The following PIP5KL1 variants were observed in gnomAD, a reference collection of about 807,000 sequenced individuals.
The protein encoded by PIP5KL1 is phosphatidylinositol-4-phosphate 5-kinase like 1.
Under a neutral mutation model 47.6 loss-of-function variants are expected in PIP5KL1, and 45 were observed. That is an observed-to-expected ratio of 0.94 (90% CI 0.74 to 1.21). The LOEUF is 1.21. PIP5KL1 is among the 50% of genes most tolerant of loss of function. The pLI, the probability that PIP5KL1 is intolerant of heterozygous loss-of-function variation, is 0.00. For synonymous variants in PIP5KL1, 256 were observed against 234.6 expected (o/e 1.09, Z -0.84); for missense variants, 577 against 547.6 (o/e 1.05, Z -0.54).
chr9:127,921,997 G>T lies in PIP5KL1; in HGVS notation c.1035C>A (p.Gly345=), dbSNP rs1286222307. ...LDGPEQRYFL[G]VVDLATVYGL... is the part of the protein sequence containing the mutation. ...CGTAGACTGTGGCGAGATCCACGAC[G>T]CCCAGGAAATAGCGCTGCTCGGGCC... The change falls in exon 10 of 10, where the codon GGC becomes GGA. Residue 345 remains glycine (G), a synonymous_variant. Coordinates refer to ENST00000388747, the MANE Select transcript of PIP5KL1 (RefSeq NM_001135219.2). 4.4e-6 allele frequency: 7 copies of T among 1,577,304 alleles called. No homozygotes were observed. Among genetic ancestry groups the T allele is most frequent in the Non-Finnish European group, 6.0e-6 (7 of 1,162,710 alleles).
At chr9:127,923,981 T>C (rs535478362) in intron 9 of PIP5KL1, among the ~76,000 whole-genome samples, 22 of 150,770 alleles carry the variant, frequency 1.5e-4, no homozygotes, top group African/African-American at 5.1e-4. Flanking sequence ...CAGTTACCAC[T>C]ACTGAGATGA....
intron 9 of PIP5KL1, 120 bp downstream of exon 9, chr9:127,924,987 G>A: frequency 2.9e-6 from 4 of 1,366,084 alleles, no homozygotes; most frequent in Non-Finnish European, 3.0e-6. Context: ...CACAAACTCT[G>A]CACTTTCCAG....
chr9:127,925,562 T>A (rs1588684097), intron 8 of PIP5KL1: 2 of 469,338 alleles, frequency 4.3e-6, no homozygotes, highest in African/African-American at 4.0e-5. Context: ...GCCGCCTGGG[T>A]TCAAGCGATT....
At position 127,927,896 on chromosome 9, in the gene PIP5KL1, G is replaced by A; in HGVS notation, c.435-124C>T. On this transcript the variant is annotated intron_variant, in intron 4 of 9. Transcript: ENST00000388747. This position sits in a 1 kb window ranked among gnomAD's most constrained non-coding sequence, Gnocchi z 5.5. ...TCTCGGCACCGCCTCTCTCGCCTTC[G>A]GCCCTCGCCCTCCTCTCCTCCCCGA... 1 of 1,484,144 alleles carries A rather than the reference G, an allele frequency of 6.7e-7. No individual in the cohort carries two copies. The allele number at this position is 1,484,144 out of a possible 1,614,324, so 91.9% of individuals were successfully genotyped here.
Position 127,929,813 on chromosome 9 carries a change from G to C in PIP5KL1, c.103C>G (p.Arg35Gly), listed in dbSNP as rs750496758. The change falls in exon 2 of 10, where the codon CGA becomes GGA. Residue 35 changes from arginine (R) to glycine (G), a missense_variant. Arg to Gly is a moderately radical substitution (Grantham distance 125). Coordinates refer to ENST00000388747, the MANE Select transcript of PIP5KL1 (RefSeq NM_001135219.2). The surrounding 1 kb of genome is among the most constrained non-coding windows in gnomAD (Gnocchi z 4.0). Reference sequence around the variant, plus strand: ...AGGCCCAGGCGAGACTGCTTGTCTCGGAGGCGCCAGAGAAGCCCCCGCCGG... The same window carrying C: ...AGGCCCAGGCGAGACTGCTTGTCTCCGAGGCGCCAGAGAAGCCCCCGCCGG... ...SSRRGLLWRL[R>G]DKQSRLGLFE... is the part of the protein sequence containing the mutation. 4.5e-6 allele frequency: 7 copies of C among 1,550,964 alleles called. No homozygotes were observed. The South Asian group carries it at 8.3e-5, about 18-fold the overall frequency.
In PIP5KL1 at chr9:127,928,204, T is replaced by G. The variant is rs1588685555; in HGVS notation, c.295A>C (p.Thr99Pro). ...CAGGCAAAGGCGGGGCCGGCCAGCG[T>G]GCCCAGCTCGAAGCCCTGCAGGGGA... The part of the protein sequence containing the change: ...TQVHEGFELG[T>P]LAGPAFAWLR... Residue 99 changes from threonine to proline, a missense_variant, in exon 4 of 10, where the codon ACG becomes CCG. Physicochemically the swap from Thr to Pro is conservative, Grantham distance 38. Coordinates refer to ENST00000388747, the MANE Select transcript of PIP5KL1 (RefSeq NM_001135219.2). The G allele has an allele frequency of 6.5e-7, 1 of 1,537,736 alleles. No homozygotes were observed. Among genetic ancestry groups the G allele is most frequent in the South Asian group, 1.2e-5 (1 of 82,912 alleles).
At position 127,927,962 on chromosome 9, in the gene PIP5KL1, G is replaced by T. The variant is rs2131640452; in HGVS notation, c.434+103C>A. ...GCCCTGACCCTCCCAGATTAGGGCC[G>T]CTCTGTTTCTCTCTTCAGGGGGCCT... On this transcript the variant is annotated intron_variant, in intron 4 of 9. Transcript: ENST00000388747. The surrounding 1 kb of genome is among the most constrained non-coding windows in gnomAD (Gnocchi z 5.5). 1.4e-6 allele frequency: 2 copies of T among 1,441,962 alleles called. No homozygotes were observed. The highest frequency in any genetic ancestry group is 9.2e-7 in the Non-Finnish European group (1 of 1,087,634). The allele number at this position is 1,441,962 out of a possible 1,614,324, so 89.3% of individuals were successfully genotyped here.
At position 127,929,705 on chromosome 9, in the gene PIP5KL1, T is replaced by A. The variant is rs749598860; in HGVS notation, c.211A>T (p.Met71Leu). 6.3e-7 allele frequency: 1 copy of A among 1,579,942 alleles called. No individual in the cohort carries two copies. The highest frequency in any genetic ancestry group is 1.3e-5 in the African/African-American group (1 of 74,260). The change falls in exon 2 of 10, where the codon ATG becomes TTG. Residue 71 changes from methionine (M) to leucine (L), a missense_variant. By Grantham distance (15) the Met-to-Leu change is conservative. Coordinates refer to ENST00000388747, the MANE Select transcript of PIP5KL1 (RefSeq NM_001135219.2). This position sits in a 1 kb window ranked among gnomAD's most constrained non-coding sequence, Gnocchi z 4.0. ...AGLWAATQVSMDHPPTGPPSR... is the reference protein window; with the variant it reads ...AGLWAATQVSLDHPPTGPPSR... ...CCACTCACCGTGGGTGGGTGGTCCA[T>A]GGAGACCTGGGTGGCAGCCCACAGC...
chr9:127,928,438 G>T lies in PIP5KL1; in HGVS notation c.274C>A (p.His92Asn). 2 of 1,600,762 alleles carry T rather than the reference G, an allele frequency of 1.2e-6. No homozygotes were observed. The highest frequency in any genetic ancestry group is 1.1e-5 in the South Asian group (1 of 87,800). The change falls in exon 3 of 10, where the codon CAC becomes AAC. Residue 92 changes from histidine (H) to asparagine (N), a missense_variant. Coordinates refer to ENST00000388747, the MANE Select transcript of PIP5KL1 (RefSeq NM_001135219.2). ...DDFSEVLTQV[H>N]EGFELGTLAG... ...CGGGAGTCTGGGCCTCCTACCTCGT[G>T]AACCTGGGTTAGGACCTCCGAGAAA...
At position 127,928,110 on chromosome 9, in the gene PIP5KL1, A is replaced by G. The variant is rs1276545638; in HGVS notation, c.389T>C (p.Leu130Pro). Residue 130 changes from leucine to proline, a missense_variant, in exon 4 of 10, where the codon CTG becomes CCG. Coordinates refer to ENST00000388747, the MANE Select transcript of PIP5KL1 (RefSeq NM_001135219.2). The stretch of plus-strand genomic sequence containing the variant: ...GCTCTTGGAGGTGCTGAGGAACTGC[A>G]GGTAGGGGCCGCCGGGGCCCAGGGC... Reference protein sequence around the residue: ...QAALGPGGPYLQFLSTSKSKA... With the variant: ...QAALGPGGPYPQFLSTSKSKA... The G allele has an allele frequency of 6.4e-7, 1 of 1,569,148 alleles. No individual in the cohort carries two copies. The highest frequency in any genetic ancestry group is 1.4e-5 in the African/African-American group (1 of 73,826).
rs1831379590 is a variant in PIP5KL1 at position 127,927,448 on chromosome 9, C to G, written c.560-117G>C. On this transcript the variant is annotated intron_variant, in intron 5 of 9. Transcript: ENST00000388747. The surrounding 1 kb of genome is among the most constrained non-coding windows in gnomAD (Gnocchi z 5.5). ...TCTCAAGATCCGCGGCACCTGGACC[C>G]TTCCTTGGCTGGTCCGGATCCCGAC... The G allele has an allele frequency of 5.4e-6, 8 of 1,490,724 alleles. No homozygotes were observed. The highest frequency in any genetic ancestry group is 6.2e-6 in the Non-Finnish European group (7 of 1,122,174). The allele number at this position is 1,490,724 out of a possible 1,614,324, so 92.3% of individuals were successfully genotyped here. A position where few individuals can be genotyped will look rare whatever the true frequency, so the allele number is the denominator to read the frequency against.
chr9:127,925,381 A>C, intron 8 of PIP5KL1, 121 bp from the exon 9 acceptor site: 258 of 1,220,626 alleles, frequency 2.1e-4, no homozygotes, highest in Non-Finnish European at 2.6e-4. Context: ...AAAGAAACTC[A>C]TCTGTAATTT....
chr9:127,921,755 A>G lies in PIP5KL1; in HGVS notation c.*92T>C. The stretch of plus-strand genomic sequence containing the variant: ...ATGCTGCCCTCTGGCGACCATCAGG[A>G]GGAAGCGCAGGCGAGATGCCCGGGC... On this transcript the variant is annotated 3_prime_UTR_variant, in exon 10 of 10. Coordinates refer to ENST00000388747, the MANE Select transcript of PIP5KL1 (RefSeq NM_001135219.2). 2 of 1,444,218 alleles carry G rather than the reference A, an allele frequency of 1.4e-6. No homozygotes were observed. Among genetic ancestry groups the G allele is most frequent in the Non-Finnish European group, 9.2e-7 (1 of 1,092,022 alleles). 89.5% of individuals were successfully genotyped at this position (1,444,218 alleles called of 1,614,324 possible).
At chr9:127,925,605 A>T (rs1831350844) in intron 8 of PIP5KL1, 4 of 502,408 alleles carry the variant, frequency 8.0e-6, no homozygotes, top group Admixed American at 3.3e-5. Flanking sequence ...AGCTGGGATT[A>T]TAGGCGGGTA....
Position 127,927,568 on chromosome 9 carries a change from C to A in PIP5KL1, c.559+80G>T. 1.5e-6 allele frequency: 2 copies of A among 1,352,518 alleles called. No homozygotes were observed. The highest frequency in any genetic ancestry group is 1.9e-6 in the Non-Finnish European group (2 of 1,045,166). The allele number at this position is 1,352,518 out of a possible 1,614,324, so 83.8% of individuals were successfully genotyped here. The stretch of plus-strand genomic sequence containing the variant: ...CAACCCCAAATCCGCCCATTTGGGC[C>A]CCGCCCACATACCCCGCCCTCCCCA... On this transcript the variant is annotated intron_variant, in intron 5 of 9. Coordinates refer to ENST00000388747, the MANE Select transcript of PIP5KL1 (RefSeq NM_001135219.2). The surrounding 1 kb of genome is among the most constrained non-coding windows in gnomAD (Gnocchi z 5.5).
At chr9:127,925,467 TTTTTA>T (rs1831348795) in intron 8 of PIP5KL1, 2 of 587,922 alleles carry the variant, frequency 3.4e-6, no homozygotes, top group Non-Finnish European at 2.9e-6. Context: ...ATCTCTTTTA[TTTTTA>T]TTTTATTTTT....
chr9:127,927,341 G>A lies in PIP5KL1; in HGVS notation c.560-10C>T. ...CGCAGACTGTGCACTCCTGGAAGGG[G>A]AGAGGGCGCCGGATGAGGATCCCCA... On this transcript the variant is annotated splice_polypyrimidine_tract_variant and intron_variant, in intron 5 of 9. Transcript: ENST00000388747. This position sits in a 1 kb window ranked among gnomAD's most constrained non-coding sequence, Gnocchi z 5.5. 1 of 1,605,878 alleles carries A rather than the reference G, an allele frequency of 6.2e-7. No homozygotes were observed.
chr9:127,921,905 A>G lies in PIP5KL1; in HGVS notation c.1127T>C (p.Val376Ala). The G allele has an allele frequency of 6.3e-7, 1 of 1,577,522 alleles. No homozygotes were observed. ...GCGACGGGCGTAGCGAGCCGGGCTGACAGTGGAGAAGGTCCGGCCTGGGTA... is the reference window on the plus strand; with the variant it reads ...GCGACGGGCGTAGCGAGCCGGGCTGGCAGTGGAGAAGGTCCGGCCTGGGTA... ...LRYPGRTFST[V>A]SPARYARRLC... is the part of the protein sequence containing the mutation. Residue 376 changes from valine to alanine, a missense_variant, in exon 10 of 10, where the codon GTC becomes GCC. By Grantham distance (64) the Val-to-Ala change is moderately conservative (BLOSUM62 0). Coordinates refer to ENST00000388747, the MANE Select transcript of PIP5KL1 (RefSeq NM_001135219.2).
At position 127,928,208 on chromosome 9, in the gene PIP5KL1, C is replaced by A; in HGVS notation, c.291G>T (p.Leu97=). 1 of 1,536,470 alleles carries A rather than the reference C, an allele frequency of 6.5e-7. No homozygotes were observed. The highest frequency in any genetic ancestry group is 8.8e-7 in the Non-Finnish European group (1 of 1,141,798). ...VLTQVHEGFE[L]GTLAGPAFAW... ...CAAAGGCGGGGCCGGCCAGCGTGCC[C>A]AGCTCGAAGCCCTGCAGGGGAGGAA... The change falls in exon 4 of 10, where the codon CTG becomes CTT. Residue 97 remains leucine (L), a synonymous_variant. Coordinates refer to ENST00000388747, the MANE Select transcript of PIP5KL1 (RefSeq NM_001135219.2).
Sources: allele counts gnomAD v4.1 joint callset (sites outside exome capture counted in the v4.1 genomes callset), GRCh38; gene constraint gnomAD v4.1.1; non-coding constraint Gnocchi (gnomAD v3.1); transcripts MANE v1.5; gene names NCBI Gene and HGNC (gene_info 2026-07-23, HGNC 2026-07-21).